TPO: variants seen among roughly 807,000 people sequenced by gnomAD.
The protein encoded by TPO is thyroid microsomal antigen.
TPO carries 78 observed loss-of-function variants against 96.9 expected under a neutral mutation model. The observed-to-expected ratio is 0.81, with a 90% CI of 0.67 to 0.97. The LOEUF (loss-of-function observed/expected upper bound fraction) is 0.97, where lower values mean the gene tolerates loss of function less well. Ranked by LOEUF, TPO falls within the 50% of genes least tolerant of loss-of-function variation. The pLI, the probability that TPO is intolerant of heterozygous loss-of-function variation, is 0.00. For synonymous variants in TPO, 547 were observed against 538.0 expected, an observed-to-expected ratio of 1.02 and a Z score of -0.23; for missense variants, 1,252 against 1,274.8, an observed-to-expected ratio of 0.98 and a Z score of 0.27.
intron 12 of TPO, among the ~76,000 whole-genome samples, 173 bp from the exon 13 acceptor site, chr2:1,496,418 CCCGA>C (rs1672350473): frequency 6.6e-6 from 1 of 152,172 alleles, no homozygotes; most frequent in Non-Finnish European, 1.5e-5. Context: ...GCCCGCGGGG[CCCGA>C]TCTGGGAAGA....
chr2:1,472,741 C>T (rs572939988), intron 7 of TPO, among the ~76,000 whole-genome samples: 2 of 146,462 alleles, frequency 1.4e-5, no homozygotes, highest in African/African-American at 5.1e-5. Context: ...CTCACAGCAA[C>T]GACTGAGTGT....
At chr2:1,405,018 T>A (rs892810315) in intron 1 of TPO, among the ~76,000 whole-genome samples, 13 of 152,064 alleles carry the variant, frequency 8.5e-5, no homozygotes, top group African/African-American at 3.1e-4. Flanking sequence ...CACGCAGCCA[T>A]CCATTCCTTT....
At chr2:1,522,716 CTGCAACCTCCCCAAACCCCCACTGTA>C (rs1169024285) in intron 15 of TPO, among the ~76,000 whole-genome samples, 2 of 152,016 alleles carry the variant, frequency 1.3e-5, no homozygotes, top group Non-Finnish European at 2.9e-5. Flanking sequence ...CACCCACTGT[CTGCAACCTCCCCAAACCCCCACTGTA>C]TGCAAGGTCC....
chr2:1,389,564 G>C (rs1330499024), intron 1 of TPO, among the ~76,000 whole-genome samples: 1 of 152,108 alleles, frequency 6.6e-6, no homozygotes, highest in South Asian at 2.1e-4. Context: ...AGTCTTGGTG[G>C]GTGGAAATGT....
chr2:1,538,561 A>G (rs1680349267), intron 15 of TPO, among the ~76,000 whole-genome samples: 1 of 152,368 alleles, frequency 6.6e-6, no homozygotes, highest in Non-Finnish European at 1.5e-5. Context: ...AGTGAATGCC[A>G]ATTATTTTAA....
At chr2:1,453,892 C>T (rs1432073462) in intron 6 of TPO, 69 bp downstream of exon 6, 1 of 1,608,306 alleles carries the variant, frequency 6.2e-7, no homozygotes, top group Non-Finnish European at 8.5e-7. Flanking sequence ...GGGAAATAGC[C>T]TTTTACTGGG....
upstream of TPO, among the ~76,000 whole-genome samples, chr2:1,412,830 T>C (rs954794430): frequency 6.6e-6 from 1 of 152,028 alleles, no homozygotes; most frequent in Non-Finnish European, 1.5e-5. Context: ...CATGAAAACA[T>C]GTCATCTCCC....
chr2:1,517,026 C>A, intron 15 of TPO, 44 bp downstream of exon 15: 1 of 1,587,362 alleles, frequency 6.3e-7, no homozygotes, highest in Non-Finnish European at 8.6e-7. Context: ...ACAAAGCAAT[C>A]TCCTTTCCTC....
intron 6 of TPO, 113 bp from the exon 7 acceptor site, chr2:1,455,963 A>G: frequency 9.5e-7 from 1 of 1,055,978 alleles, no homozygotes; most frequent in Non-Finnish European, 1.4e-6. Flanking sequence ...TCCTAGGGGC[A>G]CCTGGAGCTC....
chr2:1,409,206 C>G (rs1055121353), upstream of TPO, among the ~76,000 whole-genome samples: 3 of 152,198 alleles, frequency 2.0e-5, no homozygotes, highest in Admixed American at 6.5e-5. Context: ...CAGACTCCTA[C>G]CTCCTACTCA....
In TPO at chr2:1,540,514, G is replaced by A. The variant is rs1048944482; in HGVS notation, c.2619-80G>A. ...CAAAGACAAGCACGGCTGCCTTGCC[G>A]TCGCTCGTGCCGTGCTCTCTACCCT... On this transcript the variant is annotated intron_variant, in intron 15 of 16. Transcript: ENST00000329066. 38 of 1,601,098 alleles carry A rather than the reference G, an allele frequency of 2.4e-5. No homozygotes were observed. In the Admixed American group the frequency reaches 4.5e-4, roughly 19 times the overall value.
intron 1 of TPO, among the ~76,000 whole-genome samples, chr2:1,402,789 G>A (rs1486977641): frequency 1.3e-5 from 2 of 152,146 alleles, no homozygotes; most frequent in Non-Finnish European, 2.9e-5. Context: ...CACAGCACCT[G>A]GGAATTATGG....
At chr2:1,504,475 A>C (rs1311243194) in intron 14 of TPO, among the ~76,000 whole-genome samples, 1 of 152,286 alleles carries the variant, frequency 6.6e-6, no homozygotes, top group African/African-American at 2.4e-5. Flanking sequence ...CACCCTGACC[A>C]GGGCCAGCAG....
At chr2:1,500,953 C>T (rs1308496008) in intron 13 of TPO, among the ~76,000 whole-genome samples, 1 of 139,468 alleles carries the variant, frequency 7.2e-6, no homozygotes, top group South Asian at 2.3e-4. Context: ...GCCTGGGCAA[C>T]AGAGTGAGAC....
At chr2:1,456,420 G>A in intron 7 of TPO, 138 bp downstream of exon 7, 2 of 898,312 alleles carry the variant, frequency 2.2e-6, no homozygotes, top group Non-Finnish European at 3.5e-6. Context: ...AATATCTGGT[G>A]CATCTCACTG....
chr2:1,463,830 A>C (rs1668659664), intron 7 of TPO, among the ~76,000 whole-genome samples: 1 of 152,228 alleles, frequency 6.6e-6, no homozygotes, highest in African/African-American at 2.4e-5. Context: ...CTCCTCATGC[A>C]CACCAATGTG....
At chr2:1,419,865 T>C (rs553132394) in intron 2 of TPO, among the ~76,000 whole-genome samples, 1 of 152,326 alleles carries the variant, frequency 6.6e-6, no homozygotes, top group African/African-American at 2.4e-5. Flanking sequence ...CTCCTGTGAC[T>C]CTGCCTTTTG....
chr2:1,514,175 G>A (rs1449664437), intron 14 of TPO, among the ~76,000 whole-genome samples: 1 of 152,200 alleles, frequency 6.6e-6, no homozygotes. Context: ...AGCTCAAGCA[G>A]AGAGTCAGGA....
intron 3 of TPO, among the ~76,000 whole-genome samples, chr2:1,430,453 C>T (rs1446639255): frequency 6.6e-6 from 1 of 152,260 alleles, no homozygotes; most frequent in East Asian, 1.9e-4. Flanking sequence ...AATGACTCTA[C>T]TAGGGCCATG....
Sources: allele counts gnomAD v4.1 joint callset (sites outside exome capture counted in the v4.1 genomes callset), GRCh38; gene constraint gnomAD v4.1.1; transcripts MANE v1.5; gene names NCBI Gene and HGNC (gene_info 2026-07-23, HGNC 2026-07-21).